Variants in CLCA1 observed in about 807,000 individuals in gnomAD.
The protein encoded by CLCA1 is chloride channel accessory 1.
A neutral mutation model predicts 85.6 loss-of-function variants in CLCA1; 59 were observed. The ratio of observed to expected loss-of-function variants is 0.69; its 90% confidence interval spans 0.56 to 0.86. The LOEUF (loss-of-function observed/expected upper bound fraction) is 0.86. Among genes scored for constraint, CLCA1 ranks in the 40% least tolerant of loss-of-function variants. CLCA1 has a pLI of 0.00. For missense variants in CLCA1, 1,022 were observed against 1,101.4 expected (o/e 0.93, Z 1.02); for synonymous variants, 396 against 398.3 (o/e 0.99, Z 0.07).
intron 4 of CLCA1, among the ~76,000 whole-genome samples, chr1:86,481,826 A>G (rs1647830528): frequency 6.6e-6 from 1 of 151,982 alleles, no homozygotes; most frequent in Non-Finnish European, 1.5e-5. Context: ...TAATCAGAAA[A>G]CAAACAAACA....
Position 86,482,331 on chromosome 1 carries a change from A to G in CLCA1, c.684A>G (p.Gln228=). ...AAAAAGGATGTGAGTTTGTTCTCCA[A>G]TCCCGCCAGACGGAGAAGGCTTCTA... The part of the protein sequence containing the change: ...LYEKGCEFVL[Q]SRQTEKASIM... Residue 228 remains glutamine (Q), a synonymous_variant, in exon 5 of 14, where the codon CAA becomes CAG. Coordinates refer to ENST00000394711, the MANE Select transcript of CLCA1 (RefSeq NM_001285.4). 1 of 1,614,182 alleles carries G rather than the reference A, an allele frequency of 6.2e-7. No individual in the cohort carries two copies. Among genetic ancestry groups the G allele is most frequent in the Non-Finnish European group, 8.5e-7 (1 of 1,179,998 alleles).
chr1:86,478,358 C>T (rs925930085), intron 4 of CLCA1, among the ~76,000 whole-genome samples: 14 of 150,674 alleles, frequency 9.3e-5, no homozygotes, highest in East Asian at 3.9e-4. Context: ...ACCCGGGAGG[C>T]GGAAGTTGCA....
Position 86,468,959 on chromosome 1 carries a change from G to C in CLCA1, c.-13G>C. 6.3e-7 allele frequency: 1 copy of C among 1,588,260 alleles called. No individual in the cohort carries two copies. Among genetic ancestry groups the C allele is most frequent in the Non-Finnish European group, 8.6e-7 (1 of 1,165,374 alleles). On this transcript the variant is annotated 5_prime_UTR_variant, in exon 1 of 14. Coordinates refer to ENST00000394711, the MANE Select transcript of CLCA1 (RefSeq NM_001285.4). ...ATTTTCCAAAGAGAGAAATCACAGG[G>C]AGATGTACAGCAATGGGGCCATTTA...
At chr1:86,491,821 T>C (rs984008512) in intron 9 of CLCA1, among the ~76,000 whole-genome samples, 3 of 152,204 alleles carry the variant, frequency 2.0e-5, no homozygotes, top group African/African-American at 7.2e-5. Flanking sequence ...AAGTGCTTTG[T>C]ACTGTAAAAA....
chr1:86,498,482 C>T, intron 12 of CLCA1, 90 bp from the exon 13 acceptor site: 4 of 1,299,476 alleles, frequency 3.1e-6, no homozygotes, highest in Non-Finnish European at 3.2e-6. Flanking sequence ...AAGTGGGGAA[C>T]AGGAAGAGGG....
chr1:86,476,659 C>G, intron 4 of CLCA1, 106 bp downstream of exon 4: 1 of 535,304 alleles, frequency 1.9e-6, no homozygotes, highest in East Asian at 3.0e-5. Flanking sequence ...TTTTCTAATT[C>G]AAATTCATTC....
intron 9 of CLCA1, among the ~76,000 whole-genome samples, chr1:86,492,119 T>C (rs992768680): frequency 6.6e-6 from 1 of 152,240 alleles, no homozygotes; most frequent in African/African-American, 2.4e-5. Context: ...CAATCAGCAT[T>C]CACACTGGTG....
chr1:86,482,143 A>G, intron 4 of CLCA1, 62 bp from the exon 5 acceptor site: 1 of 1,282,334 alleles, frequency 7.8e-7, no homozygotes, highest in Non-Finnish European at 1.1e-6. Context: ...GAAACTGAGC[A>G]TAGACTCTGA....
chr1:86,473,363 A>G, intron 1 of CLCA1, 54 bp from the exon 2 acceptor site: 6 of 1,243,070 alleles, frequency 4.8e-6, no homozygotes, highest in East Asian at 2.4e-5. Context: ...TGAATGACTG[A>G]TAATTTAATT....
At chr1:86,477,361 A>G (rs2101731175) in intron 4 of CLCA1, among the ~76,000 whole-genome samples, 1 of 152,258 alleles carries the variant, frequency 6.6e-6, no homozygotes, top group African/African-American at 2.4e-5. Context: ...ATCAAAGCAA[A>G]ACAGAAACTC....
At chr1:86,472,779 G>A (rs1439111204) in intron 1 of CLCA1, among the ~76,000 whole-genome samples, 3 of 151,950 alleles carry the variant, frequency 2.0e-5, no homozygotes, top group Non-Finnish European at 4.4e-5. Flanking sequence ...TTAAAAAAAA[G>A]AAAAATGAAT....
At position 86,494,320 on chromosome 1, in the gene CLCA1, C is replaced by G. The variant is rs1648217059; in HGVS notation, c.1814C>G (p.Pro605Arg). ...SKTNKDTSKFPSPLVVYANIR... is the reference protein window; with the variant it reads ...SKTNKDTSKFRSPLVVYANIR... ...ACGAACAAGGACACCAGCAAATTCC[C>G]CAGCCCTCTGGTAGTTTATGCAAAT... The change falls in exon 11 of 14, where the codon CCC becomes CGC. Residue 605 changes from proline to arginine, a missense_variant. Coordinates refer to ENST00000394711, the MANE Select transcript of CLCA1 (RefSeq NM_001285.4). 6.2e-7 allele frequency: 1 copy of G among 1,614,174 alleles called. No homozygotes were observed. Among genetic ancestry groups the G allele is most frequent in the Non-Finnish European group, 8.5e-7 (1 of 1,180,042 alleles).
intron 4 of CLCA1, among the ~76,000 whole-genome samples, chr1:86,481,368 G>A (rs1647815982): frequency 6.6e-6 from 1 of 151,878 alleles, no homozygotes; most frequent in African/African-American, 2.4e-5. Context: ...CAAATTTCTG[G>A]CCTCAAGCAA....
At chr1:86,471,488 C>G (rs921867058) in intron 1 of CLCA1, among the ~76,000 whole-genome samples, 1 of 152,078 alleles carries the variant, frequency 6.6e-6, no homozygotes, top group African/African-American at 2.4e-5. Context: ...AAACAAAGAT[C>G]CCTTATTATT....
rs1648263651 is a variant in CLCA1, at chr1:86,495,637, A to C, written c.2075A>C (p.Gln692Pro). ...GCCAGACGGAGAGTGATACCCCAGCAGAGTGGAGCACTGTACATACCTGGC... is the reference window on the plus strand; with the variant it reads ...GCCAGACGGAGAGTGATACCCCAGCCGAGTGGAGCACTGTACATACCTGGC... ...NAARRRVIPQ[Q>P]SGALYIPGWI... Residue 692 changes from glutamine (Q) to proline (P), a missense_variant, in exon 12 of 14, where the codon CAG becomes CCG. Coordinates refer to ENST00000394711, the MANE Select transcript of CLCA1 (RefSeq NM_001285.4). The C allele has an allele frequency of 6.2e-7, 1 of 1,614,176 alleles. No individual in the cohort carries two copies. Among genetic ancestry groups the C allele is most frequent in the East Asian group, 2.2e-5 (1 of 44,892 alleles).
intron 1 of CLCA1, among the ~76,000 whole-genome samples, chr1:86,469,527 T>G (rs1647440349): frequency 6.6e-6 from 1 of 152,190 alleles, no homozygotes. Flanking sequence ...TTTATTCTCC[T>G]AATAGGAACC....
chr1:86,493,222 G>A (rs1334445910), intron 9 of CLCA1, among the ~76,000 whole-genome samples, 162 bp from the exon 10 acceptor site: 1 of 152,166 alleles, frequency 6.6e-6, no homozygotes, highest in African/African-American at 2.4e-5. Flanking sequence ...AGGCTAGAAA[G>A]GTAACTTAGA....
chr1:86,485,414 C>G lies in CLCA1; in HGVS notation c.807C>G (p.Leu269=). The change falls in exon 6 of 14, where the codon CTC becomes CTG. Residue 269 remains leucine, a synonymous_variant. Transcript: ENST00000394711. ...ACAAGCAAAATCAAAAATGCAATCT[C>G]CGAAGCACATGGGAAGTGATCCGTG... is the stretch of plus-strand genomic sequence containing the variant. ...APNKQNQKCN[L]RSTWEVIRDS... 8 of 1,614,196 alleles carry G rather than the reference C, an allele frequency of 5.0e-6. No individual in the cohort carries two copies. Among genetic ancestry groups the G allele is most frequent in the Non-Finnish European group, 6.8e-6 (8 of 1,180,038 alleles).
At position 86,482,196 on chromosome 1, in the gene CLCA1, T is replaced by C. The variant is rs55653019; in HGVS notation, c.558-9T>C. The stretch of plus-strand genomic sequence containing the variant: ...ATCACCTAAACATCTAACCTTCCTA[T>C]ATTTTCAGATGTTCAGCAGGTATTA... On this transcript the variant is annotated splice_polypyrimidine_tract_variant and intron_variant, in intron 4 of 13. Coordinates refer to ENST00000394711, the MANE Select transcript of CLCA1 (RefSeq NM_001285.4). 5.7e-5 allele frequency: 92 copies of C among 1,608,768 alleles called. No homozygotes were observed. The Admixed American group carries it at 5.8e-4, about 10-fold the overall frequency.
Sources: allele counts gnomAD v4.1 joint callset (sites outside exome capture counted in the v4.1 genomes callset), GRCh38; gene constraint gnomAD v4.1.1; transcripts MANE v1.5; gene names NCBI Gene and HGNC (gene_info 2026-07-23, HGNC 2026-07-21).